Variants in CLN8 observed in about 807,000 individuals in gnomAD.
CLN8 encodes protein CLN8.
A neutral mutation model predicts 15.7 loss-of-function variants in CLN8; 14 were observed. The ratio of observed to expected loss-of-function variants is 0.89; its 90% CI spans 0.59 to 1.39. CLN8 has a LOEUF of 1.39. Among genes scored for constraint, CLN8 ranks in the 40% most tolerant of loss-of-function variants. CLN8 has a pLI of 0.00. For synonymous variants in CLN8, 188 were observed against 151.0 expected (o/e 1.25, Z -1.80); for missense variants, 415 against 364.0 (o/e 1.14, Z -1.14).
chr8:1,782,534 A>G lies in CLN8; in HGVS notation c.*1967A>G, dbSNP rs1801734526. The G allele has an allele frequency of 6.6e-6, 1 of 152,180 alleles. No homozygotes were observed. Among genetic ancestry groups the G allele is most frequent in the Non-Finnish European group, 1.5e-5 (1 of 68,038 alleles). 9.4% of individuals were successfully genotyped at this position (152,180 alleles called of 1,614,324 possible). ...TATCACATTTTACGAAGCAATTTTAATCTTAAACACATCCAGCAAATGGTG... is the reference window on the plus strand; with the variant it reads ...TATCACATTTTACGAAGCAATTTTAGTCTTAAACACATCCAGCAAATGGTG... On this transcript the variant is annotated 3_prime_UTR_variant, in exon 3 of 3. Coordinates refer to ENST00000331222, the MANE Select transcript of CLN8 (RefSeq NM_018941.4).
intron 1 of CLN8, chr8:1,764,711 C>A (rs543564582): frequency 6.5e-6 from 1 of 152,968 alleles, no homozygotes; most frequent in African/African-American, 2.4e-5. Flanking sequence ...AGGTGGGACC[C>A]GCCTGGGCTC....
At chr8:1,764,719 C>G (rs968058188) in intron 1 of CLN8, 3 of 152,800 alleles carry the variant, frequency 2.0e-5, no homozygotes, top group Non-Finnish European at 2.9e-5. Flanking sequence ...CCCGCCTGGG[C>G]TCTGGGCCCT....
intron 1 of CLN8, among the ~76,000 whole-genome samples, chr8:1,769,157 T>C (rs1317413765): frequency 6.6e-6 from 1 of 152,126 alleles, no homozygotes; most frequent in African/African-American, 2.4e-5. Flanking sequence ...ACAGACAAAC[T>C]CTTGTACTAT....
Position 1,780,499 on chromosome 8 carries a change from T to C in CLN8, c.793T>C (p.Phe265Leu). The change falls in exon 3 of 3, where the codon TTC becomes CTC. Residue 265 changes from phenylalanine to leucine, a missense_variant. Coordinates refer to ENST00000331222, the MANE Select transcript of CLN8 (RefSeq NM_018941.4). ...QQLLNPVDWN[F>L]AQPEAKSRPE... ...GCTTCTCAATCCGGTGGACTGGAAC[T>C]TCGCACAGCCAGAAGCCAAGAGCAG... is the stretch of plus-strand genomic sequence containing the variant. The C allele has an allele frequency of 6.2e-7, 1 of 1,614,192 alleles. No individual in the cohort carries two copies. The highest frequency in any genetic ancestry group is 8.5e-7 in the Non-Finnish European group (1 of 1,180,046).
In CLN8 at chr8:1,782,596, G is replaced by A. The variant is rs973692886; in HGVS notation, c.*2029G>A. The A allele has an allele frequency of 1.3e-5, 2 of 152,186 alleles. No homozygotes were observed. Among genetic ancestry groups the A allele is most frequent in the African/African-American group, 4.8e-5 (2 of 41,436 alleles). The allele number at this position is 152,186 out of a possible 1,614,324, so 9.4% of individuals were successfully genotyped here. ...ACTTTTAACTGGAAACCTCACACCT[G>A]GCAGGCAGCACTCTCTGCAGCCGTG... On this transcript the variant is annotated 3_prime_UTR_variant, in exon 3 of 3. Transcript: ENST00000331222.
At chr8:1,759,930 A>AG (rs1800753496), upstream of CLN8, 1 of 152,228 alleles carries the variant, frequency 6.6e-6, no homozygotes, top group African/African-American at 2.4e-5. Flanking sequence ...AGGAAGAAAC[A>AG]GGCAGAAGAG....
Position 1,780,233 on chromosome 8 carries a change from G to T in CLN8, c.544-17G>T. 6.2e-7 allele frequency: 1 copy of T among 1,614,262 alleles called. No individual in the cohort carries two copies. The highest frequency in any genetic ancestry group is 8.5e-7 in the Non-Finnish European group (1 of 1,180,040). ...CAGTTTCGCATTGACTTGTGCATTT[G>T]TCTTCTCTCCATGCAGGCGGGCTGG... On this transcript the variant is annotated splice_polypyrimidine_tract_variant and intron_variant, in intron 2 of 2. Transcript: ENST00000331222.
At chr8:1,758,086 C>T (rs781472228) in intron 1 of CLN8, 4 of 152,046 alleles carry the variant, frequency 2.6e-5, no homozygotes, top group African/African-American at 4.8e-5. Flanking sequence ...TACGATATCC[C>T]GAGTGTCCCG....
At chr8:1,766,406 T>C (rs1801058269) in intron 1 of CLN8, among the ~76,000 whole-genome samples, 2 of 148,558 alleles carry the variant, frequency 1.3e-5, no homozygotes, top group Admixed American at 1.3e-4. Context: ...TTTTTTTTTT[T>C]TGAGACGGAG....
upstream of CLN8, among the ~76,000 whole-genome samples, chr8:1,753,377 C>A (rs532840791): frequency 2.9e-3 from 441 of 152,080 alleles, no homozygotes; most frequent in African/African-American, 0.01. Context: ...TCGAGACCAG[C>A]CTGGCCAATA....
At chr8:1,766,843 G>A (rs1585130765) in intron 1 of CLN8, among the ~76,000 whole-genome samples, 1 of 152,216 alleles carries the variant, frequency 6.6e-6, no homozygotes, top group Non-Finnish European at 1.5e-5. Flanking sequence ...GAGTGAGAGG[G>A]TGTGGTTGGG....
chr8:1,780,777 C>T lies in CLN8; in HGVS notation c.*210C>T, dbSNP rs1801692904. ...TAATTTTATGACTGTCTGGCAGGCT[C>T]TGTCAGTTTAGCCGCGCCGGACCGT... On this transcript the variant is annotated 3_prime_UTR_variant, in exon 3 of 3. Transcript: ENST00000331222. 1 of 623,806 alleles carries T rather than the reference C, an allele frequency of 1.6e-6. No individual in the cohort carries two copies. The highest frequency in any genetic ancestry group is 3.0e-5 in the Admixed American group (1 of 33,608). The allele number at this position is 623,806 out of a possible 1,614,324, so 38.6% of individuals were successfully genotyped here. A position where few individuals can be genotyped will look rare whatever the true frequency, so the allele number is the denominator to read the frequency against.
intron 2 of CLN8, among the ~76,000 whole-genome samples, chr8:1,772,676 C>T (rs1340943570): frequency 6.6e-6 from 1 of 152,046 alleles, no homozygotes; most frequent in Non-Finnish European, 1.5e-5. Context: ...GACGGAGTTT[C>T]ACTGTGTTGG....
At chr8:1,758,742 A>C (rs74683731) in intron 1 of CLN8, 58 of 152,328 alleles carry the variant, frequency 3.8e-4, no homozygotes, top group African/African-American at 1.4e-3. Flanking sequence ...TGGGCAATTA[A>C]TTGAAAGAGT....
intron 1 of CLN8, among the ~76,000 whole-genome samples, chr8:1,765,515 C>T (rs945099593): frequency 6.6e-5 from 10 of 152,202 alleles, no homozygotes; most frequent in Admixed American, 2.6e-4. Context: ...AACATTTTTA[C>T]AACCCATCAA....
At chr8:1,765,795 G>A (rs895143177) in intron 1 of CLN8, among the ~76,000 whole-genome samples, 4 of 152,206 alleles carry the variant, frequency 2.6e-5, no homozygotes, top group African/African-American at 7.2e-5. Context: ...AATTAGCTTT[G>A]CAGATTGTAA....
intron 1 of CLN8, among the ~76,000 whole-genome samples, chr8:1,757,382 C>T (rs967752983): frequency 7.9e-5 from 12 of 152,180 alleles, no homozygotes; most frequent in African/African-American, 2.7e-4. Context: ...TATGGTGGCC[C>T]CACAGTAGCT....
upstream of CLN8, among the ~76,000 whole-genome samples, chr8:1,761,069 G>T: frequency 7.2e-6 from 1 of 138,298 alleles, no homozygotes; most frequent in Non-Finnish European, 1.5e-5. Flanking sequence ...GCCCAGGCTG[G>T]AGTGCAGTGG....
upstream of CLN8, among the ~76,000 whole-genome samples, chr8:1,754,440 T>A (rs1176368547): frequency 2.6e-5 from 4 of 152,230 alleles, no homozygotes; most frequent in Non-Finnish European, 5.9e-5. Context: ...TTATTTGTCT[T>A]TGACTATCTT....
Sources: gnomAD v4.1 joint callset for allele counts (sites outside exome capture counted in the v4.1 genomes callset) on GRCh38, gnomAD v4.1.1 for gene constraint, MANE v1.5 for transcripts, NCBI Gene and HGNC (gene_info 2026-07-23, HGNC 2026-07-21) for gene names.